LY6K: variants seen among roughly 807,000 people sequenced by gnomAD.
LY6K encodes the protein lymphocyte antigen 6 family member K, also known as lymphocyte antigen 6K.
A neutral mutation model predicts 10.4 loss-of-function variants in LY6K; 9 were observed. That is an observed-to-expected ratio of 0.87 (90% CI 0.52 to 1.52). The LOEUF is 1.52. Ranked by LOEUF, LY6K falls within the 40% of genes most tolerant of loss-of-function variation. LY6K has a pLI of 0.00. For synonymous variants in LY6K, 98 were observed against 83.7 expected (o/e 1.17, Z -0.94); for missense variants, 217 against 211.7 (o/e 1.02, Z -0.15).
At position 142,700,639 on chromosome 8, in the gene LY6K, G is replaced by GGGGTGC. The variant is rs781869417; in HGVS notation, c.103+10_103+11insGGTGCG. On this transcript the variant is annotated intron_variant, in intron 1 of 2. Transcript: ENST00000292430. ...GGACTCCCAGCGAACGGGTGAGCCT[G>GGGGTGC]GCTCGCCCTCCACAGCCACGGGCCG... is the stretch of plus-strand genomic sequence containing the variant. 1 of 1,517,966 alleles carries GGGGTGC rather than the reference G, an allele frequency of 6.6e-7. No homozygotes were observed. Among genetic ancestry groups the GGGGTGC allele is most frequent in the African/African-American group, 1.4e-5 (1 of 69,524 alleles). 94.0% of individuals were successfully genotyped at this position (1,517,966 alleles called of 1,614,324 possible). A position where few individuals can be genotyped will look rare whatever the true frequency, so the allele number is the denominator to read the frequency against.
At chr8:142,701,864 G>A (rs1554640226) in intron 2 of LY6K, 151 bp downstream of exon 2, 3 of 596,310 alleles carry the variant, frequency 5.0e-6, no homozygotes, top group Non-Finnish European at 8.9e-6. Context: ...AGGCTGGAGT[G>A]CAGTGGTGTG....
rs1264509479 is a variant in LY6K at position 142,704,583 on chromosome 8, CATA to C, written c.*1217_*1219del. Reference sequence around the variant, plus strand: ...TTGGCTGACTTTCTCTATACACTCTCATAATAAGATGTTACTGTTCTTTGGCCC... The same window carrying C: ...TTGGCTGACTTTCTCTATACACTCTCATAAGATGTTACTGTTCTTTGGCCC... On this transcript the variant is annotated 3_prime_UTR_variant, in exon 3 of 3. Transcript: ENST00000292430. 2 of 152,188 alleles carry C rather than the reference CATA, an allele frequency of 1.3e-5. No individual in the cohort carries two copies. The highest frequency in any genetic ancestry group is 6.5e-5 in the Admixed American group (1 of 15,278). The allele number at this position is 152,188 out of a possible 1,614,324, so 9.4% of individuals were successfully genotyped here.
Position 142,703,642 on chromosome 8 carries a change from T to C in LY6K, c.*271T>C, listed in dbSNP as rs781944447. 1.5e-5 allele frequency: 7 copies of C among 456,400 alleles called. No homozygotes were observed. The highest frequency in any genetic ancestry group is 9.7e-5 in the African/African-American group (5 of 51,386). 28.3% of individuals were successfully genotyped at this position (456,400 alleles called of 1,614,324 possible). ...AACCTTGTAACTCATTTATTGCTGATGGCCACTCTTTTCCTTGACTCCCCT... is the reference window on the plus strand; with the variant it reads ...AACCTTGTAACTCATTTATTGCTGACGGCCACTCTTTTCCTTGACTCCCCT... On this transcript the variant is annotated 3_prime_UTR_variant, in exon 3 of 3. Transcript: ENST00000292430.
intron 2 of LY6K, chr8:142,702,496 A>G (rs992856445): frequency 2.8e-5 from 43 of 1,535,540 alleles, no homozygotes; most frequent in Non-Finnish European, 3.6e-5. Context: ...CATTCTGCCC[A>G]CAGGGAGATC....
Sources: gnomAD v4.1 joint callset for allele counts on GRCh38, gnomAD v4.1.1 for gene constraint, MANE v1.5 for transcripts, NCBI Gene and HGNC (gene_info 2026-07-23, HGNC 2026-07-21) for gene names.